The following GABRR2 variants were observed in gnomAD, a reference collection of about 807,000 sequenced individuals.
GABRR2 encodes the protein gamma-aminobutyric acid receptor subunit rho-2.
A neutral mutation model predicts 47.0 loss-of-function variants in GABRR2; 36 were observed. The observed-to-expected ratio is 0.77, with a 90% CI of 0.59 to 1.01. The LOEUF (loss-of-function observed/expected upper bound fraction) is 1.01, where lower values mean the gene tolerates loss of function less well. Ranked by LOEUF, GABRR2 falls within the 50% of genes least tolerant of loss-of-function variation. The probability of loss-of-function intolerance (pLI) is 0.00; values close to 1 mark genes in which losing one functional copy is unlikely to be tolerated. For synonymous variants in GABRR2, 204 were observed against 227.5 expected (o/e 0.90, Z 0.93); for missense variants, 587 against 594.6 (o/e 0.99, Z 0.13).
In GABRR2 at chr6:89,315,175, A is replaced by G. The variant is rs771211359; in HGVS notation, c.-10T>C. On this transcript the variant is annotated 5_prime_UTR_variant, in exon 1 of 9. It removes an upstream start codon present in the reference 5' UTR. Coordinates refer to ENST00000402938, the MANE Select transcript of GABRR2 (RefSeq NM_002043.5). ...TTGTAAAATAAGGCATTTTGTGGACATCTGTGAGGCAAAAAGCTGCTTTCC... is the reference window on the plus strand; with the variant it reads ...TTGTAAAATAAGGCATTTTGTGGACGTCTGTGAGGCAAAAAGCTGCTTTCC... 1.2e-6 allele frequency: 2 copies of G among 1,613,774 alleles called. No individual in the cohort carries two copies. The highest frequency in any genetic ancestry group is 1.3e-5 in the African/African-American group (1 of 75,034).
At chr6:89,302,923 A>G in intron 1 of GABRR2, 1 of 1,174,160 alleles carries the variant, frequency 8.5e-7, no homozygotes, top group Non-Finnish European at 1.2e-6. Context: ...GTTCACGGAC[A>G]TGTTCCAGCA....
chr6:89,311,211 A>C (rs1281834612), intron 1 of GABRR2, among the ~76,000 whole-genome samples: 2 of 152,236 alleles, frequency 1.3e-5, no homozygotes, highest in Non-Finnish European at 2.9e-5. Context: ...AGGGCTTAGC[A>C]GATCATAGAC....
Position 89,302,011 on chromosome 6 carries a change from C to T in GABRR2, c.114-2146G>A, listed in dbSNP as rs370548155. 2.4e-5 allele frequency: 17 copies of T among 696,924 alleles called. No individual in the cohort carries two copies. In the Middle Eastern group the frequency reaches 2.0e-3, roughly 83 times the overall value. The allele number at this position is 696,924 out of a possible 1,614,324, so 43.2% of individuals were successfully genotyped here. A position where few individuals can be genotyped will look rare whatever the true frequency, so the allele number is the denominator to read the frequency against. On this transcript the variant is annotated intron_variant, in intron 1 of 8. Transcript: ENST00000402938. ...AGCCCGGGACCATGGACAGTGTCGG[C>T]TCGGGGCCTTTTGGACATTTTTTCA...
intron 1 of GABRR2, among the ~76,000 whole-genome samples, chr6:89,307,011 G>A (rs1186904611): frequency 1.3e-5 from 2 of 152,154 alleles, no homozygotes; most frequent in African/African-American, 4.8e-5. Flanking sequence ...GTTTATCTCT[G>A]TCCATTGCAC....
intron 1 of GABRR2, among the ~76,000 whole-genome samples, chr6:89,308,583 C>T (rs1038920033): frequency 2.0e-5 from 3 of 152,104 alleles, no homozygotes; most frequent in Admixed American, 2.0e-4. Context: ...CCCTATAAGC[C>T]AGGGCTTTCC....
In GABRR2 at chr6:89,256,906, C is replaced by T. The variant is rs1228750277; in HGVS notation, c.*764G>A. The stretch of plus-strand genomic sequence containing the variant: ...CTCTCCTGGACCCTGCCTTATATGC[C>T]TAAGAGTAAAAGCAACAGCAAACAG... On this transcript the variant is annotated 3_prime_UTR_variant, in exon 9 of 9. Transcript: ENST00000402938. 3.3e-5 allele frequency among the ~76,000 whole-genome samples: 5 copies of T among 152,086 alleles called. No homozygotes were observed. Among genetic ancestry groups the T allele is most frequent in the Non-Finnish European group, 7.4e-5 (5 of 68,016 alleles).
rs1050841195 is a variant in GABRR2, at chr6:89,255,846, G to A, written c.*1824C>T. Among the ~76,000 whole-genome samples the A allele has an allele frequency of 5.9e-5, 9 of 152,142 alleles. No individual in the cohort carries two copies. The highest frequency in any genetic ancestry group is 2.2e-4 in the African/African-American group (9 of 41,432). On this transcript the variant is annotated 3_prime_UTR_variant, in exon 9 of 9. Transcript: ENST00000402938. ...GCAACTGTGCTTACTAAGCCCACTT[G>A]AGTGTGGATGGTGTAACCAAGGAAC...
At chr6:89,302,834 A>AC (rs1412490092) in intron 1 of GABRR2, 10 of 1,382,194 alleles carry the variant, frequency 7.2e-6, no homozygotes, top group Non-Finnish European at 8.0e-6. Flanking sequence ...GTGACATCCC[A>AC]CCCCCCAGCC....
At chr6:89,300,566 C>T (rs1415099960) in intron 1 of GABRR2, among the ~76,000 whole-genome samples, 1 of 151,922 alleles carries the variant, frequency 6.6e-6, no homozygotes, top group Non-Finnish European at 1.5e-5. Context: ...AAATAACCAT[C>T]AGAGACTACC....
At chr6:89,292,747 TATATATCGTATATACG>T (rs1327895529) in intron 2 of GABRR2, among the ~76,000 whole-genome samples, 20 of 108,594 alleles carry the variant, frequency 1.8e-4, no homozygotes, top group African/African-American at 7.5e-4. Flanking sequence ...TATATAATCG[TATATATCGTATATACG>T]ATATATCGTA....
chr6:89,284,542 C>T (rs942089154), intron 2 of GABRR2, among the ~76,000 whole-genome samples: 15 of 152,178 alleles, frequency 9.9e-5, no homozygotes, highest in African/African-American at 3.6e-4. Context: ...AAGAGAAGGT[C>T]AGAGTGATGC....
intron 1 of GABRR2, chr6:89,302,360 C>G: frequency 1.8e-6 from 1 of 566,034 alleles, no homozygotes; most frequent in Non-Finnish European, 3.6e-6. Flanking sequence ...GTGGAGAATA[C>G]AGATGAGACC....
intron 2 of GABRR2, among the ~76,000 whole-genome samples, chr6:89,296,281 G>A (rs1041628950): frequency 6.6e-6 from 1 of 152,226 alleles, no homozygotes; most frequent in African/African-American, 2.4e-5. Context: ...ACAAGCAGTG[G>A]GAATCCCCGT....
intron 1 of GABRR2, among the ~76,000 whole-genome samples, chr6:89,312,229 A>G (rs532165141): frequency 2.8e-4 from 42 of 152,224 alleles, no homozygotes; most frequent in Non-Finnish European, 8.8e-5. Context: ...AGGAGTAGGA[A>G]TAAAGTTGGA....
chr6:89,254,839 A>G lies in GABRR2; in HGVS notation c.*2831T>C. Among the ~76,000 whole-genome samples the G allele has an allele frequency of 6.6e-6, 1 of 152,204 alleles. No homozygotes were observed. On this transcript the variant is annotated 3_prime_UTR_variant, in exon 9 of 9. Coordinates refer to ENST00000402938, the MANE Select transcript of GABRR2 (RefSeq NM_002043.5). ...CAGACTAGTATACTGTAATAAGGCA[A>G]TGCTAAATACAATGGTGTCATTGTA...
chr6:89,258,533 CCTT>C (rs1773661708), intron 8 of GABRR2, among the ~76,000 whole-genome samples: 1 of 141,902 alleles, frequency 7.0e-6, no homozygotes, highest in African/African-American at 2.7e-5. Context: ...TAGTGAGACT[CCTT>C]CTCTAAAAAA....
chr6:89,292,656 T>A, intron 2 of GABRR2, among the ~76,000 whole-genome samples: 1 of 141,800 alleles, frequency 7.1e-6, no homozygotes, highest in Non-Finnish European at 1.5e-5. Context: ...GATATATATA[T>A]CAGATATATA....
rs777394035 is a variant in GABRR2, at chr6:89,264,420, G to A, written c.1078C>T (p.Arg360Trp). Residue 360 changes from arginine to tryptophan, a missense_variant, in exon 8 of 9, where the codon CGG becomes TGG. By Grantham distance (101) the Arg-to-Trp change is moderately radical. Transcript: ENST00000402938. ...CGAAGAAGCCCTCTCACCTTCTCCC[G>A]CAGCTTCCGTTCCTTGCGCTCCTGC... ...TVQERKERKLREKFPCMCGML... is the reference protein window; with the variant it reads ...TVQERKERKLWEKFPCMCGML... 1.1e-5 allele frequency: 18 copies of A among 1,612,892 alleles called. No individual in the cohort carries two copies. Among genetic ancestry groups the A allele is most frequent in the South Asian group, 1.1e-4 (10 of 90,998 alleles).
At chr6:89,271,356 T>C (rs997777269) in intron 3 of GABRR2, among the ~76,000 whole-genome samples, 8 of 152,318 alleles carry the variant, frequency 5.3e-5, no homozygotes, top group Non-Finnish European at 1.2e-4. Context: ...CCAGGTGTGG[T>C]TCGCCTGATC....
Sources: gnomAD v4.1 joint callset for allele counts (sites outside exome capture counted in the v4.1 genomes callset) on GRCh38, gnomAD v4.1.1 for gene constraint, MANE v1.5 for transcripts, NCBI Gene and HGNC (gene_info 2026-07-23, HGNC 2026-07-21) for gene names.